The following SMAD3 variants were observed in gnomAD, a reference collection of about 807,000 sequenced individuals.
SMAD3 encodes SMAD family member 3, also known as MAD homolog 3.
A neutral mutation model predicts 51.8 loss-of-function variants in SMAD3; 12 were observed. That is an observed-to-expected ratio of 0.23 (90% confidence interval 0.15 to 0.38). The LOEUF (loss-of-function observed/expected upper bound fraction) is 0.38. SMAD3 is among the 10% of genes least tolerant of loss of function. SMAD3 has a pLI of 1.00. For synonymous variants in SMAD3, 238 were observed against 227.7 expected (o/e 1.05, Z -0.41); for missense variants, 294 against 565.6 (o/e 0.52, Z 4.87).
At chr15:67,097,950 G>GTC (rs1048059946) in intron 1 of SMAD3, among the ~76,000 whole-genome samples, 4 of 152,118 alleles carry the variant, frequency 2.6e-5, no homozygotes, top group African/African-American at 9.7e-5. Flanking sequence ...GTGTTTGAAG[G>GTC]TCTTCAAGGA....
rs1470156249 is a variant in SMAD3, at chr15:67,194,232, G to T, written c.*3696G>T. On this transcript the variant is annotated 3_prime_UTR_variant, in exon 9 of 9. Transcript: ENST00000327367. ...CTTTGTGTGGCAAAGATGTTCCCTTGTAGGCCCCTTTCAGGTAACCGTCTT... is the reference window on the plus strand; with the variant it reads ...CTTTGTGTGGCAAAGATGTTCCCTTTTAGGCCCCTTTCAGGTAACCGTCTT... 1 of 233,462 alleles carries T rather than the reference G, an allele frequency of 4.3e-6. No homozygotes were observed. Among genetic ancestry groups the T allele is most frequent in the East Asian group, 6.0e-5 (1 of 16,730 alleles). 14.5% of individuals were successfully genotyped at this position (233,462 alleles called of 1,614,324 possible).
intron 6 of SMAD3, among the ~76,000 whole-genome samples, chr15:67,183,032 T>TATATATATATATATATA (rs59673693): frequency 1.6e-4 from 5 of 31,020 alleles, no homozygotes; most frequent in African/African-American, 3.5e-4. Flanking sequence ...TATATATATA[T>TATATATATATATATATA]TTTTTTTTTT....
At chr15:67,101,311 T>C (rs1215178796) in intron 1 of SMAD3, among the ~76,000 whole-genome samples, 1 of 152,256 alleles carries the variant, frequency 6.6e-6, no homozygotes, top group African/African-American at 2.4e-5. Flanking sequence ...TTATGCTTAC[T>C]CTACTTTCAA....
chr15:67,114,219 CCT>C (rs375267270), intron 1 of SMAD3, among the ~76,000 whole-genome samples: 4 of 152,280 alleles, frequency 2.6e-5, no homozygotes, highest in African/African-American at 4.8e-5. Context: ...GCTGGAGGGT[CCT>C]CTCTCTCGCC....
intron 1 of SMAD3, among the ~76,000 whole-genome samples, chr15:67,148,912 A>G (rs1159771914): frequency 6.6e-6 from 1 of 152,232 alleles, no homozygotes; most frequent in African/African-American, 2.4e-5. Flanking sequence ...GGCAAAGTTA[A>G]GCTAGGTTTC....
At chr15:67,082,921 C>T (rs547315779) in intron 1 of SMAD3, among the ~76,000 whole-genome samples, 4 of 152,260 alleles carry the variant, frequency 2.6e-5, no homozygotes, top group African/African-American at 9.6e-5. Context: ...AGTTTTTGCT[C>T]TGATTGTTTA....
At chr15:67,166,195 T>C in intron 3 of SMAD3, 2 of 1,012,542 alleles carry the variant, frequency 2.0e-6, no homozygotes, top group Non-Finnish European at 2.4e-6. Flanking sequence ...GTCCCGCGGG[T>C]AAGTCAACTA....
intron 1 of SMAD3, among the ~76,000 whole-genome samples, chr15:67,068,765 G>A (rs1959984532): frequency 6.6e-6 from 1 of 152,076 alleles, no homozygotes; most frequent in Non-Finnish European, 1.5e-5. Context: ...GGCAACAGCT[G>A]CTGCTGTTTT....
rs141094191 is a variant in SMAD3, at chr15:67,072,481, A to C, written c.206+6121A>C. 3.3e-5 allele frequency among the ~76,000 whole-genome samples: 5 copies of C among 152,354 alleles called. No individual in the cohort carries two copies. In the East Asian group the frequency reaches 9.6e-4, roughly 29 times the overall value. Reference sequence around the variant, plus strand: ...TTCTTAATCAGCAAGTCTCATCAATAGTCCTAATTGACTTTTGCCCTTTTC... The same window carrying C: ...TTCTTAATCAGCAAGTCTCATCAATCGTCCTAATTGACTTTTGCCCTTTTC... On this transcript the variant is annotated intron_variant, in intron 1 of 8. Transcript: ENST00000327367.
intron 1 of SMAD3, among the ~76,000 whole-genome samples, chr15:67,091,323 C>T (rs1437664376): frequency 6.6e-6 from 1 of 152,232 alleles, no homozygotes; most frequent in Non-Finnish European, 1.5e-5. Flanking sequence ...ATAGGACCTG[C>T]CTCCACGGTA....
chr15:67,092,356 C>T (rs934872433), intron 1 of SMAD3, among the ~76,000 whole-genome samples: 2 of 152,112 alleles, frequency 1.3e-5, no homozygotes, highest in African/African-American at 4.8e-5. Context: ...GTAGATGAAC[C>T]GCATTTAACC....
At chr15:67,184,136 C>G (rs564293436) in intron 6 of SMAD3, among the ~76,000 whole-genome samples, 115 of 147,352 alleles carry the variant, frequency 7.8e-4, no homozygotes, top group Non-Finnish European at 1.5e-3. Flanking sequence ...GGGTCTCACT[C>G]TGTCTCCCAG....
intron 1 of SMAD3, among the ~76,000 whole-genome samples, chr15:67,079,438 C>T (rs528011635): frequency 2.6e-5 from 4 of 152,166 alleles, no homozygotes; most frequent in African/African-American, 7.2e-5. Flanking sequence ...AATATGAGCT[C>T]GGGGCACATA....
chr15:67,188,109 C>CT (rs1186358134), intron 8 of SMAD3, among the ~76,000 whole-genome samples: 4 of 148,990 alleles, frequency 2.7e-5, no homozygotes, highest in Non-Finnish European at 5.9e-5. Context: ...TGAGAAATGA[C>CT]TTTTTTAGAG....
intron 1 of SMAD3, among the ~76,000 whole-genome samples, chr15:67,117,111 A>T (rs1961152818): frequency 6.6e-6 from 1 of 152,070 alleles, no homozygotes. Flanking sequence ...TTGTGGAGGG[A>T]TGTGGCTCCT....
At chr15:67,105,474 T>A (rs1004923165) in intron 1 of SMAD3, among the ~76,000 whole-genome samples, 2 of 152,134 alleles carry the variant, frequency 1.3e-5, no homozygotes, top group African/African-American at 4.8e-5. Context: ...CAAAGAGTAT[T>A]ATTCAGCCCT....
At chr15:67,091,003 A>G (rs1329259107) in intron 1 of SMAD3, among the ~76,000 whole-genome samples, 1 of 152,226 alleles carries the variant, frequency 6.6e-6, no homozygotes, top group Non-Finnish European at 1.5e-5. Flanking sequence ...AGTGCAGTGC[A>G]GGAATCCAGG....
intron 1 of SMAD3, among the ~76,000 whole-genome samples, chr15:67,085,211 G>T (rs1204684662): frequency 6.6e-6 from 1 of 152,126 alleles, no homozygotes; most frequent in Non-Finnish European, 1.5e-5. Flanking sequence ...CTTTGTCACC[G>T]TTTTTGTCCA....
At chr15:67,123,792 A>G (rs969400985) in intron 1 of SMAD3, among the ~76,000 whole-genome samples, 3 of 152,204 alleles carry the variant, frequency 2.0e-5, no homozygotes, top group Non-Finnish European at 4.4e-5. Context: ...AAGGACCTCT[A>G]CATTTAAAGC....
Sources: allele counts gnomAD v4.1 joint callset (sites outside exome capture counted in the v4.1 genomes callset), GRCh38; gene constraint gnomAD v4.1.1; transcripts MANE v1.5; gene names NCBI Gene and HGNC (gene_info 2026-07-23, HGNC 2026-07-21).